Variants in GOSR2 observed in about 807,000 individuals in gnomAD.
The protein encoded by GOSR2 is golgi SNAP receptor complex member 2, also known as 27 kDa Golgi SNARE protein.
A neutral mutation model predicts 27.9 loss-of-function variants in GOSR2; 20 were observed. The observed-to-expected ratio is 0.72, with a 90% confidence interval of 0.50 to 1.04. The LOEUF is 1.04. GOSR2 is among the 50% of genes least tolerant of loss of function. GOSR2 has a pLI of 0.00. For synonymous variants in GOSR2, 91 were observed against 98.8 expected (o/e 0.92, Z 0.47); for missense variants, 261 against 270.5 (o/e 0.97, Z 0.25).
chr17:46,964,183 G>A (rs986319053), intron 6 of GOSR2: 1 of 152,160 alleles, frequency 6.6e-6, no homozygotes, highest in African/African-American at 2.4e-5. Flanking sequence ...GACCATCTTA[G>A]TCCCTACCTC....
chr17:46,927,991 C>T (rs921827156), intron 1 of GOSR2, among the ~76,000 whole-genome samples: 3 of 152,176 alleles, frequency 2.0e-5, no homozygotes, highest in Non-Finnish European at 2.9e-5. Context: ...CGTTACCCTC[C>T]GGTCCCCTGT....
chr17:46,947,886 A>C (rs2090040454), intron 6 of GOSR2, among the ~76,000 whole-genome samples: 1 of 152,176 alleles, frequency 6.6e-6, no homozygotes, highest in Non-Finnish European at 1.5e-5. Context: ...CTCCTGCCTC[A>C]GCCTCCTGAG....
At chr17:46,950,858 A>G (rs938297274) in intron 6 of GOSR2, among the ~76,000 whole-genome samples, 1 of 152,214 alleles carries the variant, frequency 6.6e-6, no homozygotes, top group East Asian at 1.9e-4. Flanking sequence ...GGGACCACCA[A>G]GCCAGACTTT....
chr17:46,930,383 T>C (rs541408600), intron 2 of GOSR2: 1 of 152,366 alleles, frequency 6.6e-6, no homozygotes, highest in African/African-American at 2.4e-5. Flanking sequence ...TTTGTTTGCC[T>C]TCTCAGCAAT....
chr17:46,940,277 C>G lies in GOSR2; in HGVS notation c.*1517C>G. 1 of 1,433,398 alleles carries G rather than the reference C, an allele frequency of 7.0e-7. No homozygotes were observed. Among genetic ancestry groups the G allele is most frequent in the Non-Finnish European group, 9.1e-7 (1 of 1,098,614 alleles). The allele number at this position is 1,433,398 out of a possible 1,614,324, so 88.8% of individuals were successfully genotyped here. Reference sequence around the variant, plus strand: ...TCGGTTGGAGGAGATCTCCATTGTTCCTACCCCTCCGGGCCAAATGGGCCC... The same window carrying G: ...TCGGTTGGAGGAGATCTCCATTGTTGCTACCCCTCCGGGCCAAATGGGCCC... On this transcript the variant is annotated 3_prime_UTR_variant, in exon 6 of 6. Coordinates refer to ENST00000640051, the MANE Select transcript of GOSR2 (RefSeq NM_004287.5).
chr17:46,935,911 C>T (rs771737850), intron 5 of GOSR2: 11 of 985,802 alleles, frequency 1.1e-5, no homozygotes, highest in Non-Finnish European at 1.3e-5. Context: ...GGTGTGGTCC[C>T]CTGTGAATGA....
downstream of GOSR2, among the ~76,000 whole-genome samples, chr17:46,969,863 C>T (rs892626038): frequency 2.6e-5 from 4 of 152,156 alleles, no homozygotes; most frequent in Admixed American, 2.0e-4. Context: ...TTTCGCGATC[C>T]CCTTGCCCCC....
chr17:46,952,561 G>A (rs2090439349), intron 6 of GOSR2: 1 of 152,222 alleles, frequency 6.6e-6, no homozygotes, highest in Non-Finnish European at 1.5e-5. Flanking sequence ...GTTGCTGGGA[G>A]AGACTTCTGG....
At chr17:46,923,515 A>C (rs1171701228) in intron 1 of GOSR2, 2 of 1,376,200 alleles carry the variant, frequency 1.5e-6, no homozygotes, top group Non-Finnish European at 1.9e-6. Flanking sequence ...GCAGGTTATA[A>C]AACTTTGTCC....
intron 3 of GOSR2, 36 bp from the exon 4 acceptor site, chr17:46,932,031 T>A (rs1414661727): frequency 1.2e-6 from 2 of 1,608,130 alleles, no homozygotes; most frequent in Non-Finnish European, 1.7e-6. Flanking sequence ...CTGCCCTGAG[T>A]TCCTGGAATT....
chr17:46,968,252 C>T (rs924362254), downstream of GOSR2, among the ~76,000 whole-genome samples: 3 of 152,202 alleles, frequency 2.0e-5, no homozygotes, highest in East Asian at 5.8e-4. Flanking sequence ...CCAACTTCCT[C>T]CATTCCAGAC....
downstream of GOSR2, among the ~76,000 whole-genome samples, chr17:46,942,468 G>A (rs1021087771): frequency 8.5e-5 from 13 of 152,180 alleles, no homozygotes; most frequent in African/African-American, 2.9e-4. Context: ...ATCCAGCTTG[G>A]AACCATGGGC....
chr17:46,954,379 T>G (rs1012404010), intron 6 of GOSR2, among the ~76,000 whole-genome samples: 5 of 152,260 alleles, frequency 3.3e-5, no homozygotes, highest in African/African-American at 1.2e-4. Context: ...GGCTCTGTTC[T>G]GTTCCATTGG....
chr17:46,944,148 G>A (rs560545528), downstream of GOSR2, among the ~76,000 whole-genome samples: 3 of 152,360 alleles, frequency 2.0e-5, no homozygotes, highest in South Asian at 6.2e-4. Context: ...CAGTACAAGA[G>A]GGGACATTCA....
intron 4 of GOSR2, chr17:46,933,560 G>A (rs982227397): frequency 5.3e-5 from 8 of 151,554 alleles, no homozygotes; most frequent in Non-Finnish European, 1.0e-4. Flanking sequence ...TCCCCTGTTA[G>A]CAGGGGCAGT....
intron 6 of GOSR2, among the ~76,000 whole-genome samples, chr17:46,960,745 C>A (rs1360646574): frequency 6.6e-6 from 1 of 152,014 alleles, no homozygotes; most frequent in African/African-American, 2.4e-5. Flanking sequence ...GTGTGAGAAG[C>A]CAGATGGAAA....
intron 6 of GOSR2, among the ~76,000 whole-genome samples, chr17:46,956,418 G>A (rs1307817768): frequency 6.6e-6 from 1 of 151,388 alleles, no homozygotes; most frequent in African/African-American, 2.4e-5. Context: ...AGCCTCCCGA[G>A]TAGCTGGGAT....
chr17:46,972,188 G>A (rs2091400125), intron 6 of GOSR2, among the ~76,000 whole-genome samples: 1 of 152,220 alleles, frequency 6.6e-6, no homozygotes, highest in Non-Finnish European at 1.5e-5. Context: ...CTGGGCTGGG[G>A]CAGGAGGCGA....
intron 6 of GOSR2, among the ~76,000 whole-genome samples, chr17:46,954,627 G>A (rs2090590681): frequency 6.6e-6 from 1 of 152,132 alleles, no homozygotes; most frequent in African/African-American, 2.4e-5. Flanking sequence ...AGTATGGCCA[G>A]TTTCATGATA....
Sources: allele counts gnomAD v4.1 joint callset (sites outside exome capture counted in the v4.1 genomes callset), GRCh38; gene constraint gnomAD v4.1.1; transcripts MANE v1.5; gene names NCBI Gene and HGNC (gene_info 2026-07-23, HGNC 2026-07-21).